Variants in RUNX1T1 observed in about 807,000 individuals in gnomAD.
The protein encoded by RUNX1T1 is protein CBFA2T1.
Under a neutral mutation model 62.8 loss-of-function variants are expected in RUNX1T1, and 4 were observed. The ratio of observed to expected loss-of-function variants is 0.06; its 90% CI spans 0.03 to 0.15. The LOEUF is 0.15. RUNX1T1 is among the 10% of genes least tolerant of loss of function. The pLI is 1.00. For missense variants in RUNX1T1, 508 were observed against 754.3 expected, an observed-to-expected ratio of 0.67 and a Z score of 3.82; for synonymous variants, 291 against 286.0, an observed-to-expected ratio of 1.02 and a Z score of -0.18.
intron 5 of RUNX1T1, among the ~76,000 whole-genome samples, chr8:92,004,056 T>C (rs1820266552): frequency 6.6e-6 from 1 of 152,192 alleles, no homozygotes; most frequent in Non-Finnish European, 1.5e-5. Context: ...GGCTTTTAAA[T>C]AACATTCTGA....
intron 1 of RUNX1T1, among the ~76,000 whole-genome samples, chr8:92,027,109 C>A (rs1259224961): frequency 7.2e-6 from 1 of 139,156 alleles, no homozygotes; most frequent in Non-Finnish European, 1.6e-5. Flanking sequence ...GAGCGAAACT[C>A]CGTCTCAAAA....
downstream of RUNX1T1, chr8:91,958,060 C>T (rs1809631044): frequency 9.6e-6 from 2 of 209,126 alleles, no homozygotes; most frequent in Non-Finnish European, 2.0e-5. Flanking sequence ...TTAAAAGCCA[C>T]TTAAAACTGT....
At chr8:92,060,625 G>A (rs544396394) in intron 1 of RUNX1T1, among the ~76,000 whole-genome samples, 12 of 148,402 alleles carry the variant, frequency 8.1e-5, no homozygotes, top group African/African-American at 3.0e-4. Context: ...GATGATATCA[G>A]AGTGCATAGA....
At chr8:92,044,536 C>A (rs1394897684) in intron 1 of RUNX1T1, among the ~76,000 whole-genome samples, 1 of 152,212 alleles carries the variant, frequency 6.6e-6, no homozygotes, top group African/African-American at 2.4e-5. Flanking sequence ...GTGGGCTGAG[C>A]AACCACTAAA....
chr8:91,996,200 TTTTTA>T (rs1223546429), intron 5 of RUNX1T1, among the ~76,000 whole-genome samples: 1 of 152,136 alleles, frequency 6.6e-6, no homozygotes, highest in Non-Finnish European at 1.5e-5. Context: ...ATTTTTTTTA[TTTTTA>T]TTTTTACTTT....
At chr8:92,021,833 G>C (rs918795976) in intron 1 of RUNX1T1, among the ~76,000 whole-genome samples, 1 of 150,934 alleles carries the variant, frequency 6.6e-6, no homozygotes, top group Non-Finnish European at 1.5e-5. Context: ...TCAATCCTAG[G>C]CTCTATCAAA....
chr8:92,090,978 TCTC>T (rs1231463459), intron 1 of RUNX1T1, among the ~76,000 whole-genome samples: 1 of 152,112 alleles, frequency 6.6e-6, no homozygotes, highest in Non-Finnish European at 1.5e-5. Flanking sequence ...TATCAATTCC[TCTC>T]CTCTCTCCCA....
chr8:91,960,366 G>A (rs1456082572), exon 11 of RUNX1T1: 1 of 1,614,112 alleles, frequency 6.2e-7, no homozygotes, highest in Admixed American at 1.7e-5. Flanking sequence ...GCTGACTGCA[G>A]GTGTGTCTCC....
intron 1 of RUNX1T1, among the ~76,000 whole-genome samples, chr8:92,020,223 G>C (rs1823818047): frequency 6.6e-6 from 1 of 152,156 alleles, no homozygotes; most frequent in Admixed American, 6.5e-5. Context: ...AGAGATTTAA[G>C]ATAAATGCGG....
intron 1 of RUNX1T1, among the ~76,000 whole-genome samples, chr8:92,091,799 G>A (rs914520805): frequency 1.3e-5 from 2 of 152,118 alleles, no homozygotes; most frequent in African/African-American, 4.8e-5. Context: ...ATACTTCTTT[G>A]GTTGGTTCCA....
chr8:92,005,303 A>AGGGAATGAC lies in RUNX1T1; in HGVS notation c.478-15_478-7dup. 1 of 1,608,716 alleles carries AGGGAATGAC rather than the reference A, an allele frequency of 6.2e-7. No homozygotes were observed. The highest frequency in any genetic ancestry group is 8.5e-7 in the Non-Finnish European group (1 of 1,178,678). On this transcript the variant is annotated splice_region_variant and splice_polypyrimidine_tract_variant and intron_variant, in intron 4 of 10. Coordinates refer to ENST00000396218, the Ensembl canonical transcript of RUNX1T1. The stretch of plus-strand genomic sequence containing the variant: ...TGCAGCAGGGGCAAGTTGGCCTGCA[A>AGGGAATGAC]GGGAATGACAGGAATGAGAGGACGG...
chr8:92,090,853 T>C (rs1836875497), intron 1 of RUNX1T1, among the ~76,000 whole-genome samples: 1 of 152,186 alleles, frequency 6.6e-6, no homozygotes, highest in Admixed American at 6.5e-5. Flanking sequence ...AGCAATGGGC[T>C]GGAGTTCTTT....
chr8:92,007,555 G>A (rs745965145), intron 4 of RUNX1T1, among the ~76,000 whole-genome samples: 17 of 151,784 alleles, frequency 1.1e-4, no homozygotes, highest in South Asian at 2.1e-4. Context: ...ACATGATTTC[G>A]TCACGCAAAC....
At chr8:92,091,010 C>T (rs1836911773) in intron 1 of RUNX1T1, among the ~76,000 whole-genome samples, 1 of 152,182 alleles carries the variant, frequency 6.6e-6, no homozygotes, top group Non-Finnish European at 1.5e-5. Context: ...AACTAAGTAG[C>T]AGCCCTCAAG....
At chr8:92,088,508 A>T (rs1033822747) in intron 1 of RUNX1T1, among the ~76,000 whole-genome samples, 2 of 152,084 alleles carry the variant, frequency 1.3e-5, no homozygotes, top group Non-Finnish European at 2.9e-5. Flanking sequence ...TCCACTTGTC[A>T]ATGTGCATTT....
exon 5 of RUNX1T1, chr8:92,005,157 A>C: frequency 6.2e-7 from 1 of 1,612,828 alleles, no homozygotes; most frequent in Non-Finnish European, 8.5e-7. Context: ...TCACATCGAG[A>C]AGCAGCTCTG....
intron 5 of RUNX1T1, among the ~76,000 whole-genome samples, chr8:91,993,900 G>C (rs902836798): frequency 6.6e-6 from 1 of 152,154 alleles, no homozygotes; most frequent in African/African-American, 2.4e-5. Flanking sequence ...GCTGAGGCAG[G>C]AGAATCACTT....
At chr8:92,014,907 A>C in intron 2 of RUNX1T1, 87 bp from the exon 4 acceptor site, 2 of 1,304,604 alleles carry the variant, frequency 1.5e-6, no homozygotes, top group Non-Finnish European at 2.1e-6. Flanking sequence ...TACCTTTTAC[A>C]TCTACTAGTT....
intron 2 of RUNX1T1, among the ~76,000 whole-genome samples, chr8:92,069,677 T>A (rs1833393717): frequency 6.6e-6 from 1 of 152,182 alleles, no homozygotes; most frequent in Non-Finnish European, 1.5e-5. Context: ...ATGTAAATTT[T>A]TAAATTAATG....
Sources: gnomAD v4.1 joint callset for allele counts (sites outside exome capture counted in the v4.1 genomes callset) on GRCh38, gnomAD v4.1.1 for gene constraint, MANE v1.5 for transcripts, NCBI Gene and HGNC (gene_info 2026-07-23, HGNC 2026-07-21) for gene names.